The following SORCS3 variants were observed in gnomAD, a reference collection of about 807,000 sequenced individuals.
SORCS3 encodes the protein sortilin related VPS10 domain containing receptor 3, also known as VPS10 domain-containing receptor SorCS3.
SORCS3 carries 57 observed loss-of-function variants against 146.3 expected under a neutral mutation model. The ratio of observed to expected loss-of-function variants is 0.39; its 90% CI spans 0.31 to 0.49. The LOEUF is 0.49. Among genes scored for constraint, SORCS3 ranks in the 20% least tolerant of loss-of-function variants. The probability of loss-of-function intolerance (pLI) is 0.92; values close to 1 mark genes in which losing one functional copy is unlikely to be tolerated. For synonymous variants in SORCS3, 653 were observed against 618.5 expected, an observed-to-expected ratio of 1.06 and a Z score of -0.83; for missense variants, 1,341 against 1,575.5, an observed-to-expected ratio of 0.85 and a Z score of 2.52.
intron 1 of SORCS3, among the ~76,000 whole-genome samples, chr10:104,658,447 T>C (rs1017543259): frequency 2.6e-5 from 4 of 152,238 alleles, no homozygotes; most frequent in Admixed American, 2.0e-4. Flanking sequence ...CTTTTTTATT[T>C]TGAGATGGAG....
intron 1 of SORCS3, among the ~76,000 whole-genome samples, chr10:104,748,875 T>C (rs1236957692): frequency 6.6e-6 from 1 of 152,066 alleles, no homozygotes; most frequent in Non-Finnish European, 1.5e-5. Context: ...AAGAATTCTT[T>C]AGATTCTCCT....
At chr10:104,755,037 C>A (rs1414714293) in intron 1 of SORCS3, among the ~76,000 whole-genome samples, 2 of 152,166 alleles carry the variant, frequency 1.3e-5, no homozygotes, top group Non-Finnish European at 2.9e-5. Context: ...CTTAGCAGAG[C>A]TCTGTGGCTA....
chr10:105,035,159 CAG>C (rs1182526061), intron 4 of SORCS3, among the ~76,000 whole-genome samples: 1 of 152,130 alleles, frequency 6.6e-6, no homozygotes. Context: ...ATGATAGACA[CAG>C]TGTTTTTCTG....
chr10:105,001,564 T>C (rs1401607832), intron 4 of SORCS3, among the ~76,000 whole-genome samples: 2 of 152,196 alleles, frequency 1.3e-5, no homozygotes, highest in Non-Finnish European at 2.9e-5. Flanking sequence ...AATAGCACTT[T>C]CCATTGCAAA....
chr10:105,073,461 C>G (rs945996640), intron 5 of SORCS3, among the ~76,000 whole-genome samples: 1 of 152,160 alleles, frequency 6.6e-6, no homozygotes, highest in Admixed American at 6.5e-5. Context: ...CTCTGCAGCC[C>G]CACCCAAGAT....
intron 3 of SORCS3, among the ~76,000 whole-genome samples, chr10:104,961,714 T>A (rs2054797243): frequency 6.6e-6 from 1 of 152,150 alleles, no homozygotes; most frequent in African/African-American, 2.4e-5. Context: ...GGACAGTGCC[T>A]CAGGTAAAGG....
rs2056975223 is a variant in SORCS3 at position 105,263,740 on chromosome 10, C to T, written c.*366C>T. 4.3e-6 allele frequency: 1 copy of T among 230,684 alleles called. No individual in the cohort carries two copies. Among genetic ancestry groups the T allele is most frequent in the South Asian group, 6.7e-5 (1 of 14,958 alleles). The allele number at this position is 230,684 out of a possible 1,614,324, so 14.3% of individuals were successfully genotyped here. A position where few individuals can be genotyped will look rare whatever the true frequency, so the allele number is the denominator to read the frequency against. ...CATCCCCACAGCAGAATCACCAACA[C>T]TCTCCGCTTCCCCCAGCACACACAC... is the stretch of plus-strand genomic sequence containing the variant. On this transcript the variant is annotated 3_prime_UTR_variant, in exon 27 of 27. Coordinates refer to ENST00000369701, the MANE Select transcript of SORCS3 (RefSeq NM_014978.3).
At chr10:104,945,566 C>CTTTTTT (rs10707282) in intron 3 of SORCS3, among the ~76,000 whole-genome samples, 1 of 135,100 alleles carries the variant, frequency 7.4e-6, no homozygotes, top group African/African-American at 2.7e-5. Context: ...GCCTAATGTT[C>CTTTTTT]TTTTTTTTTT....
At chr10:104,871,979 C>T (rs2018523421) in intron 2 of SORCS3, among the ~76,000 whole-genome samples, 1 of 152,122 alleles carries the variant, frequency 6.6e-6, no homozygotes, top group African/African-American at 2.4e-5. Flanking sequence ...GTGACTTCTG[C>T]TCTCTCACAC....
chr10:104,749,756 A>C (rs1026806768), intron 1 of SORCS3, among the ~76,000 whole-genome samples: 2 of 152,176 alleles, frequency 1.3e-5, no homozygotes, highest in Non-Finnish European at 2.9e-5. Flanking sequence ...CAGTCATGTC[A>C]CTTTTCATTT....
At chr10:105,198,621 G>A (rs1375666080) in intron 14 of SORCS3, among the ~76,000 whole-genome samples, 2 of 152,168 alleles carry the variant, frequency 1.3e-5, no homozygotes, top group Non-Finnish European at 2.9e-5. Flanking sequence ...GACTACAAGA[G>A]AACAGAGAGA....
At chr10:104,995,205 G>A (rs2133666740) in intron 4 of SORCS3, among the ~76,000 whole-genome samples, 1 of 147,918 alleles carries the variant, frequency 6.8e-6, no homozygotes, top group African/African-American at 2.5e-5. Flanking sequence ...TGTCGTCCAG[G>A]CTGGAGTACA....
In SORCS3 at chr10:105,191,523, AC is replaced by A. The variant is rs145124517; in HGVS notation, c.2010-8474del. Among the ~76,000 whole-genome samples the A allele has an allele frequency of 7.4e-3, 1,121 of 152,312 alleles. 8 individuals carry two copies. Among genetic ancestry groups the A allele is most frequent in the African/African-American group, 0.026 (1,068 of 41,558 alleles). On this transcript the variant is annotated intron_variant, in intron 14 of 26. Transcript: ENST00000369701. ...ATAAACCTCACTTAGAAACCAATAG[AC>A]CAAGTAGTCCAAAGGTTAGTATGAT... is the stretch of plus-strand genomic sequence containing the variant.
At chr10:105,196,826 G>A (rs2056546813) in intron 14 of SORCS3, among the ~76,000 whole-genome samples, 2 of 152,120 alleles carry the variant, frequency 1.3e-5, no homozygotes, top group South Asian at 4.1e-4. Context: ...GTTTCCTGTG[G>A]CTGTTGTAAC....
At chr10:104,729,369 G>C (rs1382909010) in intron 1 of SORCS3, among the ~76,000 whole-genome samples, 2 of 152,224 alleles carry the variant, frequency 1.3e-5, no homozygotes, top group African/African-American at 4.8e-5. Flanking sequence ...CATTTTTAAT[G>C]AAGCAATCTT....
chr10:105,015,814 C>T (rs2055161932), intron 4 of SORCS3, among the ~76,000 whole-genome samples: 1 of 151,994 alleles, frequency 6.6e-6, no homozygotes, highest in African/African-American at 2.4e-5. Flanking sequence ...ACTACAACCT[C>T]CACCTCCCGG....
At position 104,806,059 on chromosome 10, in the gene SORCS3, C is replaced by G. The variant is rs776290757; in HGVS notation, c.628-36733C>G. Among the ~76,000 whole-genome samples the G allele has an allele frequency of 5.7e-4, 87 of 152,118 alleles. 1 individual carries two copies. The highest frequency in any genetic ancestry group is 2.5e-4 in the Non-Finnish European group (17 of 68,034). ...AATATTTGGGGGTTAATATTTTTGG[C>G]CACTTTTTTACTTTCTGTAAAGTAA... On this transcript the variant is annotated intron_variant, in intron 1 of 26. Transcript: ENST00000369701.
At chr10:105,260,969 T>C (rs967228412) in intron 25 of SORCS3, among the ~76,000 whole-genome samples, 1 of 152,196 alleles carries the variant, frequency 6.6e-6, no homozygotes, top group Non-Finnish European at 1.5e-5. Context: ...AAATATAGTA[T>C]AGTAAAGTAG....
chr10:105,260,817 C>T, intron 25 of SORCS3, among the ~76,000 whole-genome samples: 1 of 152,024 alleles, frequency 6.6e-6, no homozygotes, highest in East Asian at 1.9e-4. Context: ...GTCCGATGTC[C>T]CAAGTTTCAG....
Sources: gnomAD v4.1 joint callset for allele counts (sites outside exome capture counted in the v4.1 genomes callset) on GRCh38, gnomAD v4.1.1 for gene constraint, MANE v1.5 for transcripts, NCBI Gene and HGNC (gene_info 2026-07-23, HGNC 2026-07-21) for gene names.